The following SPATA9 variants were observed in gnomAD, a reference collection of about 807,000 sequenced individuals.
The protein encoded by SPATA9 is spermatogenesis associated 9, also known as spermatogenesis-associated protein 9.
A neutral mutation model predicts 25.5 loss-of-function variants in SPATA9; 27 were observed. That is an observed-to-expected ratio of 1.06 (90% CI 0.78 to 1.46). The LOEUF (loss-of-function observed/expected upper bound fraction) is 1.46. Ranked by LOEUF, SPATA9 falls within the 40% of genes most tolerant of loss-of-function variation. The pLI is 0.00. For synonymous variants in SPATA9, 102 were observed against 105.7 expected (o/e 0.97, Z 0.21); for missense variants, 282 against 297.5 (o/e 0.95, Z 0.38).
At chr5:95,709,857 G>A in the SPATA9 span, among the ~76,000 whole-genome samples, 4 of 152,140 alleles carry the variant, frequency 2.6e-5, no homozygotes, top group Non-Finnish European at 4.4e-5. Flanking sequence ...TTACCTGGGC[G>A]CAGGTTGTGC....
the SPATA9 span, among the ~76,000 whole-genome samples, chr5:95,720,286 C>A: frequency 6.6e-6 from 1 of 152,104 alleles, no homozygotes; most frequent in Non-Finnish European, 1.5e-5. Context: ...CTCCCCATGA[C>A]ATTTCTAGCT....
At chr5:95,674,689 T>C (rs1265201270) in intron 3 of SPATA9, 7 of 450,742 alleles carry the variant, frequency 1.6e-5, no homozygotes, top group African/African-American at 2.0e-5. Context: ...TGAATACCTG[T>C]ATCCAGCCAT....
chr5:95,715,121 C>T, the SPATA9 span, among the ~76,000 whole-genome samples: 84 of 152,090 alleles, frequency 5.5e-4, no homozygotes, highest in Middle Eastern at 6.8e-3. Context: ...GTCAGGAGAT[C>T]AAGACCACCC....
the SPATA9 span, among the ~76,000 whole-genome samples, chr5:95,723,379 T>C: frequency 6.6e-6 from 1 of 152,106 alleles, no homozygotes; most frequent in Non-Finnish European, 1.5e-5. Context: ...TTAAAAGAAA[T>C]TGACAATTTA....
the SPATA9 span, among the ~76,000 whole-genome samples, chr5:95,719,433 C>A: frequency 2.0e-5 from 3 of 152,144 alleles, no homozygotes; most frequent in Non-Finnish European, 4.4e-5. Context: ...AGATAAGTTA[C>A]AGCTGGGCCT....
chr5:95,655,692 C>T (rs952699784), downstream of SPATA9, among the ~76,000 whole-genome samples: 1 of 152,182 alleles, frequency 6.6e-6, no homozygotes, highest in Non-Finnish European at 1.5e-5. Flanking sequence ...CCTTACAGTT[C>T]TTCTAGAAGC....
At chr5:95,694,524 C>A (rs553004774) in intron 1 of SPATA9, among the ~76,000 whole-genome samples, 1 of 152,180 alleles carries the variant, frequency 6.6e-6, no homozygotes, top group East Asian at 1.9e-4. Flanking sequence ...ATGCATCCCA[C>A]CCTTTCTTTT....
the SPATA9 span, among the ~76,000 whole-genome samples, chr5:95,710,625 C>T: frequency 6.6e-6 from 1 of 152,148 alleles, no homozygotes; most frequent in African/African-American, 2.4e-5. Flanking sequence ...CATGGACAAA[C>T]AGGTGAAACG....
chr5:95,731,978 G>C, the SPATA9 span: 1 of 1,614,182 alleles, frequency 6.2e-7, no homozygotes, highest in Non-Finnish European at 8.5e-7. Flanking sequence ...GACGAGAGCA[G>C]CTTGTTGCTG....
the SPATA9 span, among the ~76,000 whole-genome samples, chr5:95,724,970 T>C: frequency 1.3e-5 from 2 of 151,980 alleles, no homozygotes; most frequent in African/African-American, 4.8e-5. Context: ...AGAGAATCAA[T>C]TGAGTCTAGC....
At chr5:95,653,931 T>C (rs191206154), downstream of SPATA9, 2 of 633,668 alleles carry the variant, frequency 3.2e-6, no homozygotes, top group African/African-American at 1.8e-5. Context: ...ATAAATGTTT[T>C]ATATAGCTAC....
chr5:95,720,831 G>T, the SPATA9 span, among the ~76,000 whole-genome samples: 1 of 152,246 alleles, frequency 6.6e-6, no homozygotes, highest in African/African-American at 2.4e-5. Context: ...AGTAACGACT[G>T]ATTATTCTTT....
chr5:95,707,245 GAAGAATGAATGTGAGA>G, the SPATA9 span, among the ~76,000 whole-genome samples: 1 of 152,140 alleles, frequency 6.6e-6, no homozygotes, highest in Non-Finnish European at 1.5e-5. Context: ...AATCTTGGAG[GAAGAATGAATGTGAGA>G]AAGAATGATA....
chr5:95,675,366 A>C, intron 3 of SPATA9, 46 bp downstream of exon 3: 1 of 1,509,112 alleles, frequency 6.6e-7, no homozygotes, highest in Non-Finnish European at 9.0e-7. Flanking sequence ...GCAAATTTAA[A>C]AGTTTCTTAA....
upstream of SPATA9, among the ~76,000 whole-genome samples, chr5:95,699,407 T>C (rs1161307849): frequency 6.6e-6 from 1 of 152,212 alleles, no homozygotes; most frequent in African/African-American, 2.4e-5. Flanking sequence ...TCAAGAATTA[T>C]GATCATGCTC....
At chr5:95,696,339 T>C (rs1754021173) in intron 1 of SPATA9, among the ~76,000 whole-genome samples, 1 of 152,178 alleles carries the variant, frequency 6.6e-6, no homozygotes, top group South Asian at 2.1e-4. Context: ...TTTTCTAAAA[T>C]AAAAAATGTA....
At chr5:95,697,121 A>G (rs953620810) in intron 1 of SPATA9, among the ~76,000 whole-genome samples, 2 of 152,218 alleles carry the variant, frequency 1.3e-5, no homozygotes, top group African/African-American at 4.8e-5. Context: ...TTCTTTGGGT[A>G]AGGAATTTAA....
downstream of SPATA9, chr5:95,657,208 G>A (rs1750814096): frequency 6.6e-6 from 1 of 151,946 alleles, no homozygotes; most frequent in Admixed American, 6.6e-5. Flanking sequence ...GGAGATCTAG[G>A]GTTTTGTTCC....
downstream of SPATA9, among the ~76,000 whole-genome samples, chr5:95,653,590 A>G (rs1299399658): frequency 6.6e-6 from 1 of 152,214 alleles, no homozygotes; most frequent in Non-Finnish European, 1.5e-5. Context: ...AGTAATGACT[A>G]CCTACTTAAT....
Sources: allele counts gnomAD v4.1 joint callset (sites outside exome capture counted in the v4.1 genomes callset), GRCh38; gene constraint gnomAD v4.1.1; transcripts MANE v1.5; gene names NCBI Gene and HGNC (gene_info 2026-07-23, HGNC 2026-07-21).